The following KIF26B variants were observed in gnomAD, a reference collection of about 807,000 sequenced individuals.
KIF26B encodes kinesin family member 26B.
A neutral mutation model predicts 151.2 loss-of-function variants in KIF26B; 63 were observed. The observed-to-expected ratio is 0.42, with a 90% CI of 0.34 to 0.51. KIF26B has a LOEUF of 0.51. Ranked by LOEUF, KIF26B falls within the 20% of genes least tolerant of loss-of-function variation. The probability of loss-of-function intolerance (pLI) is 0.07; values close to 1 mark genes in which losing one functional copy is unlikely to be tolerated. For synonymous variants in KIF26B, 1,357 were observed against 1,262.1 expected, an observed-to-expected ratio of 1.08 and a Z score of -1.59; for missense variants, 2,813 against 2,913.6, an observed-to-expected ratio of 0.97 and a Z score of 0.79.
intron 2 of KIF26B, among the ~76,000 whole-genome samples, chr1:245,320,466 T>A (rs1671866538): frequency 6.6e-6 from 1 of 152,184 alleles, no homozygotes; most frequent in South Asian, 2.1e-4. Flanking sequence ...GACCCAATAT[T>A]GATACGTTAT....
At chr1:245,628,296 A>G (rs1464563038) in intron 9 of KIF26B, among the ~76,000 whole-genome samples, 1 of 152,210 alleles carries the variant, frequency 6.6e-6, no homozygotes, top group Non-Finnish European at 1.5e-5. Context: ...CAGCCTGCCA[A>G]CATGGCAAAA....
At chr1:245,692,964 G>C (rs2044646403) in intron 12 of KIF26B, among the ~76,000 whole-genome samples, 1 of 152,110 alleles carries the variant, frequency 6.6e-6, no homozygotes, top group Non-Finnish European at 1.5e-5. Flanking sequence ...ATGTCAATCT[G>C]TGATACACAG....
intron 3 of KIF26B, among the ~76,000 whole-genome samples, chr1:245,391,491 C>A (rs1342882598): frequency 6.6e-6 from 1 of 151,956 alleles, no homozygotes; most frequent in African/African-American, 2.4e-5. Context: ...ATATAAGCAA[C>A]TCATTAAAGA....
intron 10 of KIF26B, among the ~76,000 whole-genome samples, chr1:245,658,580 C>A (rs568643113): frequency 6.6e-6 from 1 of 151,788 alleles, no homozygotes; most frequent in Non-Finnish European, 1.5e-5. Flanking sequence ...TTTGTAGAGA[C>A]GGGGTTTTAC....
rs1660320690 is a variant in KIF26B, at chr1:245,488,073, C to T, written c.1167-52694C>T. Among the ~76,000 whole-genome samples, 3 of 152,132 alleles carry T rather than the reference C, an allele frequency of 2.0e-5. No homozygotes were observed. The highest frequency in any genetic ancestry group is 6.6e-5 in the Admixed American group (1 of 15,264). The stretch of plus-strand genomic sequence containing the variant: ...AAAGTGCTGGGATTACAGGCATGAG[C>T]TGCCACGCCCGGCCATGTATCTTTT... On this transcript the variant is annotated intron_variant, in intron 4 of 14. Transcript: ENST00000407071. This position sits in a 1 kb window ranked among gnomAD's most constrained non-coding sequence, Gnocchi z 4.6.
chr1:245,561,305 G>A (rs181937688), intron 5 of KIF26B, among the ~76,000 whole-genome samples: 45 of 152,288 alleles, frequency 3.0e-4, no homozygotes, highest in Non-Finnish European at 5.3e-4. Flanking sequence ...GGCAGCTACC[G>A]ATACAGAGGG....
intron 2 of KIF26B, among the ~76,000 whole-genome samples, chr1:245,340,180 A>C (rs1672308409): frequency 6.6e-6 from 1 of 152,208 alleles, no homozygotes; most frequent in Middle Eastern, 3.2e-3. Context: ...ACTCCTACAG[A>C]AACTAAAATC....
At chr1:245,221,632 C>T (rs1573716950) in intron 2 of KIF26B, among the ~76,000 whole-genome samples, 2 of 152,204 alleles carry the variant, frequency 1.3e-5, no homozygotes, top group South Asian at 2.1e-4. Context: ...GTCTTGAACT[C>T]CTGACATCAG....
Position 245,155,349 on chromosome 1 carries a change from G to T in KIF26B, c.-76G>T, listed in dbSNP as rs867476545. On this transcript the variant is annotated 5_prime_UTR_variant, in exon 1 of 15. Transcript: ENST00000407071. ...GAGAGCCAGCCCCCTGCAGCCGGGG[G>T]ACGCTTCTGGGTTGGAGGACCTTCT... The T allele has an allele frequency of 8.1e-7, 1 of 1,239,262 alleles. No homozygotes were observed. The highest frequency in any genetic ancestry group is 1.2e-6 in the Non-Finnish European group (1 of 863,060). 76.8% of individuals were successfully genotyped at this position (1,239,262 alleles called of 1,614,324 possible).
chr1:245,473,034 C>T (rs1477376857), intron 4 of KIF26B, among the ~76,000 whole-genome samples: 1 of 152,360 alleles, frequency 6.6e-6, no homozygotes, highest in East Asian at 1.9e-4. Flanking sequence ...ACTCTGCTCT[C>T]TGTCTCGTGC....
chr1:245,226,591 G>C (rs1669881633), intron 2 of KIF26B, among the ~76,000 whole-genome samples: 1 of 152,056 alleles, frequency 6.6e-6, no homozygotes, highest in Non-Finnish European at 1.5e-5. Context: ...AGCCTCCTGA[G>C]TAGCTGGGAT....
intron 3 of KIF26B, among the ~76,000 whole-genome samples, chr1:245,385,599 G>A (rs1673524330): frequency 1.3e-5 from 2 of 152,204 alleles, no homozygotes; most frequent in East Asian, 1.9e-4. Context: ...CTGGGGCGGC[G>A]TGGAGCTGTC....
intron 9 of KIF26B, among the ~76,000 whole-genome samples, chr1:245,614,053 G>A (rs1299582209): frequency 6.6e-6 from 1 of 152,176 alleles, no homozygotes; most frequent in Non-Finnish European, 1.5e-5. Context: ...TGGCCCAGAT[G>A]TGGCCTTTTG....
At chr1:245,697,494 T>C (rs1469612303) in intron 12 of KIF26B, among the ~76,000 whole-genome samples, 1 of 152,200 alleles carries the variant, frequency 6.6e-6, no homozygotes, top group East Asian at 1.9e-4. Flanking sequence ...TGACATCAAA[T>C]GCTAGGACCT....
chr1:245,381,071 T>C (rs1348710188), intron 3 of KIF26B, among the ~76,000 whole-genome samples: 1 of 151,840 alleles, frequency 6.6e-6, no homozygotes, highest in Non-Finnish European at 1.5e-5. Context: ...AGTATTTCGA[T>C]GTCCTAAGCT....
intron 2 of KIF26B, among the ~76,000 whole-genome samples, chr1:245,336,187 C>T (rs1374740443): frequency 6.6e-6 from 1 of 152,206 alleles, no homozygotes; most frequent in Non-Finnish European, 1.5e-5. Flanking sequence ...AAGGAGAGTC[C>T]CACGCAGGGA....
At chr1:245,334,331 C>T (rs1329647375) in intron 2 of KIF26B, among the ~76,000 whole-genome samples, 1 of 152,160 alleles carries the variant, frequency 6.6e-6, no homozygotes, top group Non-Finnish European at 1.5e-5. Flanking sequence ...AATGTTCGTT[C>T]CTGGTGTTAA....
At chr1:245,460,963 AG>A (rs1659633690) in intron 4 of KIF26B, among the ~76,000 whole-genome samples, 1 of 152,214 alleles carries the variant, frequency 6.6e-6, no homozygotes. Flanking sequence ...GTAAGGAGTG[AG>A]GCTGATGGAG....
At position 245,688,123 on chromosome 1, in the gene KIF26B, G is replaced by T. The variant is rs761582334; in HGVS notation, c.5140G>T (p.Ala1714Ser). Residue 1714 changes from alanine to serine, a missense_variant, in exon 12 of 15, where the codon GCC becomes TCC. Physicochemically the swap from Ala to Ser is moderately conservative, Grantham distance 99 (BLOSUM62 1). Coordinates refer to ENST00000407071, the MANE Select transcript of KIF26B (RefSeq NM_018012.4). Reference protein sequence around the residue: ...PRAGRSLGRSAGTSPPSSGAS... With the variant: ...PRAGRSLGRSSGTSPPSSGAS... ...CGCGGGGAGGAGCCTGGGCCGCAGC[G>T]CCGGGACCTCGCCCCCCAGCTCCGG... The T allele has an allele frequency of 1.3e-6, 2 of 1,575,800 alleles. No individual in the cohort carries two copies. The highest frequency in any genetic ancestry group is 1.7e-6 in the Non-Finnish European group (2 of 1,166,472).
Sources: gnomAD v4.1 joint callset for allele counts (sites outside exome capture counted in the v4.1 genomes callset) on GRCh38, gnomAD v4.1.1 for gene constraint, Gnocchi (gnomAD v3.1) non-coding constraint, MANE v1.5 for transcripts, NCBI Gene and HGNC (gene_info 2026-07-23, HGNC 2026-07-21) for gene names.